Variants in C16orf74 observed in about 807,000 individuals in gnomAD.
C16orf74 encodes the protein calcimembrin, also known as uncharacterized protein C16orf74.
C16orf74 carries 10 observed loss-of-function variants against 6.5 expected under a neutral mutation model. The observed-to-expected ratio is 1.54, with a 90% confidence interval of 0.95 to 2.61. The LOEUF is 2.61. Ranked by LOEUF, C16orf74 falls within the 30% of genes most tolerant of loss-of-function variation. C16orf74 has a pLI of 0.00. For synonymous variants in C16orf74, 60 were observed against 42.5 expected (o/e 1.41, Z -1.60); for missense variants, 141 against 105.9 (o/e 1.33, Z -1.45).
intron 2 of C16orf74, among the ~76,000 whole-genome samples, chr16:85,723,056 G>A (rs1034672455): frequency 6.6e-6 from 1 of 151,576 alleles, no homozygotes; most frequent in Non-Finnish European, 1.5e-5. Flanking sequence ...GTCAGGAATT[G>A]AAGACCAGCC....
At chr16:85,737,422 A>G (rs1394465745) in intron 1 of C16orf74, among the ~76,000 whole-genome samples, 3 of 152,112 alleles carry the variant, frequency 2.0e-5, no homozygotes, top group Non-Finnish European at 2.9e-5. Flanking sequence ...TTTCTTCCGG[A>G]TTAGGTAACT....
intron 3 of C16orf74, among the ~76,000 whole-genome samples, chr16:85,708,564 T>A (rs2053936403): frequency 6.6e-6 from 1 of 152,234 alleles, no homozygotes; most frequent in Admixed American, 6.5e-5. Context: ...TGTCCCTCTC[T>A]GGACCTGTTT....
rs576034397 is a variant in C16orf74 at position 85,713,028 on chromosome 16, C to G, written c.29-2721G>C. ...TCCTGGGGTTGCCACAACAAAGCACCGTCAACCAGGCGGCTGGAACAATGG... is the reference window on the plus strand; with the variant it reads ...TCCTGGGGTTGCCACAACAAAGCACGGTCAACCAGGCGGCTGGAACAATGG... On this transcript the variant is annotated intron_variant, in intron 2 of 3. Transcript: ENST00000284245. Among the ~76,000 whole-genome samples the G allele has an allele frequency of 2.7e-3, 409 of 152,280 alleles. 4 individuals are homozygous for G. Among genetic ancestry groups the G allele is most frequent in the African/African-American group, 9.3e-3 (388 of 41,554 alleles).
rs1335354537 is a variant in C16orf74 at position 85,723,752 on chromosome 16, G to C, written c.28+11438C>G. 2.0e-5 allele frequency among the ~76,000 whole-genome samples: 3 copies of C among 152,268 alleles called. No individual in the cohort carries two copies. The East Asian group carries it at 5.8e-4, about 29-fold the overall frequency. ...GGTGGGGCGTGCACGTAGCCGTGCT[G>C]TGCAGCTGTGGGAAAGGGTGGGCAG... is the stretch of plus-strand genomic sequence containing the variant. On this transcript the variant is annotated intron_variant, in intron 2 of 3. Coordinates refer to ENST00000284245, the MANE Select transcript of C16orf74 (RefSeq NM_206967.3).
chr16:85,718,777 G>C (rs751987130), intron 2 of C16orf74, among the ~76,000 whole-genome samples: 2 of 152,242 alleles, frequency 1.3e-5, no homozygotes, highest in African/African-American at 2.4e-5. Context: ...TTGATGCTAA[G>C]CTTAGATCCA....
At chr16:85,746,098 G>A (rs758263049) in intron 1 of C16orf74, among the ~76,000 whole-genome samples, 3 of 152,286 alleles carry the variant, frequency 2.0e-5, no homozygotes, top group Admixed American at 2.0e-4. Context: ...TGTCATCCCA[G>A]CACTTTGGGA....
At chr16:85,736,870 C>T (rs2054250680) in intron 1 of C16orf74, among the ~76,000 whole-genome samples, 1 of 151,992 alleles carries the variant, frequency 6.6e-6, no homozygotes, top group African/African-American at 2.4e-5. Context: ...ATGGTGAAAC[C>T]CCATCTCTAC....
intron 1 of C16orf74, among the ~76,000 whole-genome samples, chr16:85,750,666 G>C (rs1409142155): frequency 1.3e-5 from 2 of 152,160 alleles, no homozygotes; most frequent in South Asian, 4.1e-4. Context: ...TTCCGCGCGG[G>C]GTCACACCCC....
chr16:85,750,337 G>A (rs1201222752), intron 1 of C16orf74, among the ~76,000 whole-genome samples: 1 of 152,022 alleles, frequency 6.6e-6, no homozygotes, highest in Non-Finnish European at 1.5e-5. Flanking sequence ...AGCTGCGGGT[G>A]CCCCTTTTTA....
At chr16:85,729,139 C>T (rs920091521) in intron 2 of C16orf74, among the ~76,000 whole-genome samples, 1 of 152,218 alleles carries the variant, frequency 6.6e-6, no homozygotes, top group African/African-American at 2.4e-5. Flanking sequence ...CTTTCCCCTT[C>T]CGTCTGTGGA....
At position 85,710,451 on chromosome 16, in the gene C16orf74, G is replaced by A. The variant is rs181372894; in HGVS notation, c.29-144C>T. ...CGCAGCAAGGAGCGCAGCTGTCCCC[G>A]CATCACAGATGAAAACCGGCGTCTC... On this transcript the variant is annotated intron_variant, in intron 2 of 3. Transcript: ENST00000284245. 5,558 of 666,164 alleles carry A rather than the reference G, an allele frequency of 8.3e-3. 38 individuals are homozygous for A. The highest frequency in any genetic ancestry group is 0.011 in the Non-Finnish European group (4,685 of 430,178). The allele number at this position is 666,164 out of a possible 1,614,324, so 41.3% of individuals were successfully genotyped here. A position where few individuals can be genotyped will look rare whatever the true frequency, so the allele number is the denominator to read the frequency against.
chr16:85,712,642 G>C (rs980466612), intron 2 of C16orf74, among the ~76,000 whole-genome samples: 96 of 152,220 alleles, frequency 6.3e-4, no homozygotes, highest in African/African-American at 2.2e-3. Context: ...CTTGACCAAG[G>C]CTGCAGGCTC....
intron 2 of C16orf74, among the ~76,000 whole-genome samples, chr16:85,724,684 A>T (rs1428865961): frequency 6.6e-6 from 1 of 152,082 alleles, no homozygotes; most frequent in Non-Finnish European, 1.5e-5. Context: ...GACGAGGATA[A>T]TGGGGATGAC....
At chr16:85,718,871 C>G (rs2054050915) in intron 2 of C16orf74, among the ~76,000 whole-genome samples, 1 of 152,254 alleles carries the variant, frequency 6.6e-6, no homozygotes, top group Admixed American at 6.5e-5. Flanking sequence ...CTACTGGGTG[C>G]CAACGGCTAC....
intron 2 of C16orf74, among the ~76,000 whole-genome samples, chr16:85,719,744 G>C (rs1006997350): frequency 6.6e-6 from 1 of 151,970 alleles, no homozygotes; most frequent in African/African-American, 2.4e-5. Flanking sequence ...AGAGATTCCC[G>C]AGGCACCCAC....
chr16:85,724,990 G>A (rs574102855), intron 2 of C16orf74, among the ~76,000 whole-genome samples: 131 of 151,822 alleles, frequency 8.6e-4, no homozygotes, highest in African/African-American at 3.0e-3. Flanking sequence ...ATGGCGCTTC[G>A]TCTCCCACCT....
chr16:85,720,614 A>AT (rs869076969), intron 2 of C16orf74, among the ~76,000 whole-genome samples: 1 of 151,632 alleles, frequency 6.6e-6, no homozygotes, highest in African/African-American at 2.4e-5. Flanking sequence ...CTCTAAAAAA[A>AT]TTTTTTTTTA....
At chr16:85,727,639 C>A (rs1406128936) in intron 2 of C16orf74, among the ~76,000 whole-genome samples, 3 of 144,342 alleles carry the variant, frequency 2.1e-5, no homozygotes, top group Non-Finnish European at 1.5e-5. Context: ...GTAAAACTTC[C>A]ATCTCTACTA....
At chr16:85,712,673 GC>G (rs1422346436) in intron 2 of C16orf74, among the ~76,000 whole-genome samples, 2 of 152,212 alleles carry the variant, frequency 1.3e-5, no homozygotes, top group Non-Finnish European at 2.9e-5. Context: ...AAAGCAGTAG[GC>G]ACACTGGCTT....
Sources: gnomAD v4.1 joint callset for allele counts (sites outside exome capture counted in the v4.1 genomes callset) on GRCh38, gnomAD v4.1.1 for gene constraint, MANE v1.5 for transcripts, NCBI Gene and HGNC (gene_info 2026-07-23, HGNC 2026-07-21) for gene names.